Variants in CELF2 observed in about 807,000 individuals in gnomAD.
CELF2 encodes CUG triplet repeat RNA-binding protein 2.
CELF2 carries 8 observed loss-of-function variants against 62.6 expected under a neutral mutation model. The ratio of observed to expected loss-of-function variants is 0.13; its 90% CI spans 0.07 to 0.23. The LOEUF (loss-of-function observed/expected upper bound fraction) is 0.23. Ranked by LOEUF, CELF2 falls within the 10% of genes least tolerant of loss-of-function variation. The probability of loss-of-function intolerance (pLI) is 1.00; values close to 1 mark genes in which losing one functional copy is unlikely to be tolerated. For missense variants in CELF2, 333 were observed against 671.0 expected, an observed-to-expected ratio of 0.50 and a Z score of 5.56; for synonymous variants, 258 against 250.0, an observed-to-expected ratio of 1.03 and a Z score of -0.30.
intron 1 of CELF2, among the ~76,000 whole-genome samples, chr10:10,860,966 G>A (rs2133111299): frequency 6.6e-6 from 1 of 152,236 alleles, no homozygotes; most frequent in East Asian, 1.9e-4. Context: ...ATGTTACCCA[G>A]ACTGGAGGAC....
At chr10:10,645,617 G>A in the CELF2 span, among the ~76,000 whole-genome samples, 4 of 152,108 alleles carry the variant, frequency 2.6e-5, no homozygotes, top group East Asian at 3.9e-4. Flanking sequence ...TTGCACCACC[G>A]CACTTCAGCC....
chr10:10,502,654 T>C, the CELF2 span, among the ~76,000 whole-genome samples: 1 of 151,998 alleles, frequency 6.6e-6, no homozygotes, highest in African/African-American at 2.4e-5. Flanking sequence ...AATTTGCATA[T>C]TCTTTTTTTC....
At chr10:10,886,761 A>C (rs2061778205) in intron 1 of CELF2, among the ~76,000 whole-genome samples, 1 of 152,180 alleles carries the variant, frequency 6.6e-6, no homozygotes, top group Non-Finnish European at 1.5e-5. Flanking sequence ...TCTTGAGCCT[A>C]GGAGGTCAAG....
chr10:10,549,943 G>A, the CELF2 span, among the ~76,000 whole-genome samples: 1 of 152,150 alleles, frequency 6.6e-6, no homozygotes, highest in South Asian at 2.1e-4. Context: ...ACCAATAAAG[G>A]GGTGAGGGAG....
chr10:10,593,432 A>G, the CELF2 span, among the ~76,000 whole-genome samples: 1 of 152,218 alleles, frequency 6.6e-6, no homozygotes, highest in Non-Finnish European at 1.5e-5. Context: ...AAAAGTTCTC[A>G]GAGATCCATG....
At chr10:10,863,322 G>T (rs1262303526) in intron 1 of CELF2, among the ~76,000 whole-genome samples, 1 of 152,220 alleles carries the variant, frequency 6.6e-6, no homozygotes, top group Non-Finnish European at 1.5e-5. Context: ...ATATGTGTGT[G>T]TAGCATGTGA....
intron 1 of CELF2, among the ~76,000 whole-genome samples, chr10:10,856,245 G>A (rs926124320): frequency 3.9e-5 from 6 of 151,996 alleles, no homozygotes; most frequent in Non-Finnish European, 7.4e-5. Flanking sequence ...TTTTCACACC[G>A]GATCGCGTTG....
At chr10:10,562,700 A>G in the CELF2 span, among the ~76,000 whole-genome samples, 1 of 139,918 alleles carries the variant, frequency 7.1e-6, no homozygotes, top group Admixed American at 7.1e-5. Context: ...TTTCTACTGC[A>G]TTGGTCCTTT....
At chr10:10,522,356 C>T in the CELF2 span, among the ~76,000 whole-genome samples, 1 of 152,192 alleles carries the variant, frequency 6.6e-6, no homozygotes, top group Non-Finnish European at 1.5e-5. Flanking sequence ...CATCTCTTCC[C>T]AATCTTCGGC....
the CELF2 span, among the ~76,000 whole-genome samples, chr10:10,718,623 CAAAAAA>C: frequency 2.4e-5 from 2 of 83,856 alleles, no homozygotes; most frequent in Non-Finnish European, 2.5e-5. Flanking sequence ...GACTCCGTCT[CAAAAAA>C]AAAAAAAAAA....
At chr10:11,080,139 A>G (rs1387140867) in intron 1 of CELF2, among the ~76,000 whole-genome samples, 1 of 152,196 alleles carries the variant, frequency 6.6e-6, no homozygotes, top group Non-Finnish European at 1.5e-5. Flanking sequence ...CCTTGAGCAA[A>G]TCATTTAACC....
chr10:10,681,657 C>G, the CELF2 span, among the ~76,000 whole-genome samples: 1 of 152,090 alleles, frequency 6.6e-6, no homozygotes, highest in Admixed American at 6.5e-5. Context: ...TGATTCTTAG[C>G]TCACAAGTCA....
chr10:11,271,924 G>A (rs1377838519), intron 7 of CELF2, among the ~76,000 whole-genome samples: 13 of 152,130 alleles, frequency 8.5e-5, no homozygotes, highest in Non-Finnish European at 1.6e-4. Flanking sequence ...GACTCAAAGA[G>A]GTTACGTAAC....
At chr10:11,284,119 G>A (rs2090176141) in intron 8 of CELF2, among the ~76,000 whole-genome samples, 1 of 143,842 alleles carries the variant, frequency 7.0e-6, no homozygotes, top group South Asian at 2.3e-4. Flanking sequence ...CTGTGTGGTA[G>A]GTGGATGATG....
intron 2 of CELF2, chr10:11,171,361 C>T (rs1173649379): frequency 3.9e-5 from 6 of 152,198 alleles, no homozygotes; most frequent in South Asian, 2.1e-4. Flanking sequence ...GGGGCTGGCC[C>T]GACTGATCTT....
the CELF2 span, among the ~76,000 whole-genome samples, chr10:10,731,914 G>A: frequency 3.9e-5 from 6 of 152,042 alleles, no homozygotes; most frequent in African/African-American, 1.2e-4. Context: ...GCTGAGCCCC[G>A]CATGCCCCTT....
At chr10:10,689,353 C>G in the CELF2 span, among the ~76,000 whole-genome samples, 2 of 152,260 alleles carry the variant, frequency 1.3e-5, no homozygotes, top group South Asian at 2.1e-4. Flanking sequence ...ATCATGAGAA[C>G]AGCAAGGTGG....
At chr10:11,143,426 A>G (rs539571292) in intron 1 of CELF2, among the ~76,000 whole-genome samples, 1 of 152,278 alleles carries the variant, frequency 6.6e-6, no homozygotes, top group South Asian at 2.1e-4. Flanking sequence ...AGATCGCCAT[A>G]TGTGTGCTTC....
chr10:10,698,048 C>G, the CELF2 span, among the ~76,000 whole-genome samples: 3 of 152,192 alleles, frequency 2.0e-5, no homozygotes, highest in Non-Finnish European at 4.4e-5. Flanking sequence ...CCCACTTCAG[C>G]CTCCCAAAGA....
Sources: gnomAD v4.1 joint callset for allele counts (sites outside exome capture counted in the v4.1 genomes callset) on GRCh38, gnomAD v4.1.1 for gene constraint, MANE v1.5 for transcripts, NCBI Gene and HGNC (gene_info 2026-07-23, HGNC 2026-07-21) for gene names.